TMC7: variants seen among roughly 807,000 people sequenced by gnomAD.
The protein encoded by TMC7 is transmembrane channel like 7.
A neutral mutation model predicts 82.9 loss-of-function variants in TMC7; 54 were observed. The ratio of observed to expected loss-of-function variants is 0.65; its 90% CI spans 0.52 to 0.82. The LOEUF is 0.82. TMC7 is among the 40% of genes least tolerant of loss of function. TMC7 has a pLI of 0.00. For missense variants in TMC7, 820 were observed against 901.2 expected, an observed-to-expected ratio of 0.91 and a Z score of 1.15; for synonymous variants, 350 against 337.9, an observed-to-expected ratio of 1.04 and a Z score of -0.39.
At chr16:19,041,238 T>A (rs1961000045) in intron 9 of TMC7, among the ~76,000 whole-genome samples, 1 of 152,050 alleles carries the variant, frequency 6.6e-6, no homozygotes, top group African/African-American at 2.4e-5. Flanking sequence ...GATCCCCATA[T>A]GCCTTTCACT....
chr16:19,003,690 A>G (rs2142154834), intron 1 of TMC7, among the ~76,000 whole-genome samples: 1 of 114,678 alleles, frequency 8.7e-6, no homozygotes, highest in Non-Finnish European at 1.8e-5. Context: ...TGCACTAAGA[A>G]AAATTCCTCT....
At chr16:19,008,687 C>T (rs184836824) in intron 1 of TMC7, among the ~76,000 whole-genome samples, 17 of 152,268 alleles carry the variant, frequency 1.1e-4, no homozygotes, top group African/African-American at 4.1e-4. Context: ...TAACACCATG[C>T]CTGACACACA....
chr16:19,047,452 C>T (rs1961330938), intron 12 of TMC7, among the ~76,000 whole-genome samples: 1 of 148,992 alleles, frequency 6.7e-6, no homozygotes, highest in Non-Finnish European at 1.5e-5. Flanking sequence ...GGCTGGAGTG[C>T]AGTGGCGTGA....
chr16:19,009,655 C>A (rs2039302107), intron 2 of TMC7, among the ~76,000 whole-genome samples: 1 of 151,900 alleles, frequency 6.6e-6, no homozygotes, highest in Non-Finnish European at 1.5e-5. Context: ...TAGTTTCTTT[C>A]CAGGCCGGGC....
At position 19,021,758 on chromosome 16, in the gene TMC7, C is replaced by G. The variant is rs755299318; in HGVS notation, c.590C>G (p.Thr197Ser). 2 of 1,614,144 alleles carry G rather than the reference C, an allele frequency of 1.2e-6. No individual in the cohort carries two copies. Among genetic ancestry groups the G allele is most frequent in the South Asian group, 2.2e-5 (2 of 91,078 alleles). Residue 197 changes from threonine to serine, a missense_variant, in exon 4 of 16, where the codon ACC becomes AGC. Thr to Ser is a moderately conservative substitution (Grantham distance 58). Coordinates refer to ENST00000304381, the MANE Select transcript of TMC7 (RefSeq NM_024847.4). ...LPVLLTKYKI[T>S]NSSFVLIPFK... ...GTCTTACTCACGAAATACAAGATCACCAACAGCAGCTTCGTGCTCATTCCT... is the reference window on the plus strand; with the variant it reads ...GTCTTACTCACGAAATACAAGATCAGCAACAGCAGCTTCGTGCTCATTCCT...
intron 1 of TMC7, among the ~76,000 whole-genome samples, chr16:18,992,417 A>G (rs2038968284): frequency 6.6e-6 from 1 of 152,092 alleles, no homozygotes; most frequent in Non-Finnish European, 1.5e-5. Flanking sequence ...GTCTGTTCAT[A>G]TCCTTTGCCC....
rs908605766 is a variant in TMC7 at position 19,063,256 on chromosome 16, T to G, written c.*1413T>G. 10 of 152,020 alleles carry G rather than the reference T, an allele frequency of 6.6e-5. No homozygotes were observed. Among genetic ancestry groups the G allele is most frequent in the African/African-American group, 2.2e-4 (9 of 41,406 alleles). 9.4% of individuals were successfully genotyped at this position (152,020 alleles called of 1,614,324 possible). A position where few individuals can be genotyped will look rare whatever the true frequency, so the allele number is the denominator to read the frequency against. On this transcript the variant is annotated 3_prime_UTR_variant, in exon 16 of 16. Transcript: ENST00000304381. ...ACCAAAGATTCATTCCAGTCTCACT[T>G]AAAAAAATAAATTCTGCTGGGCACA...
intron 1 of TMC7, among the ~76,000 whole-genome samples, chr16:18,985,659 C>T (rs1379605312): frequency 6.6e-6 from 1 of 151,308 alleles, no homozygotes; most frequent in African/African-American, 2.4e-5. Context: ...TAATTGGGCC[C>T]TCTAACTAAA....
At chr16:19,012,635 A>G (rs971369375) in intron 2 of TMC7, among the ~76,000 whole-genome samples, 12 of 151,612 alleles carry the variant, frequency 7.9e-5, no homozygotes, top group Admixed American at 1.3e-4. Flanking sequence ...CTAAAAATAC[A>G]AAAATTAGCC....
Position 19,035,749 on chromosome 16 carries a change from G to T in TMC7, c.931G>T (p.Ala311Ser), listed in dbSNP as rs746098773. 7.4e-6 allele frequency: 12 copies of T among 1,613,622 alleles called. No homozygotes were observed. Among genetic ancestry groups the T allele is most frequent in the Non-Finnish European group, 9.3e-6 (11 of 1,179,874 alleles). ...HFQSYCNKIF[A>S]GWDFCITNRS... ...TCAGAGTTACTGCAACAAGATATTT[G>T]CCGGCTGGGACTTCTGCATCACTAA... Residue 311 changes from alanine to serine, a missense_variant, in exon 7 of 16, where the codon GCC (alanine) becomes TCC (serine). This residue lies in a region of TMC7 where 650 missense variants were observed against 669.9 expected (regional missense o/e 0.97). Coordinates refer to ENST00000304381, the MANE Select transcript of TMC7 (RefSeq NM_024847.4).
chr16:19,044,527 C>T (rs528535107), intron 9 of TMC7, among the ~76,000 whole-genome samples: 3 of 151,886 alleles, frequency 2.0e-5, no homozygotes, highest in South Asian at 2.1e-4. Context: ...GGGCTGGGCA[C>T]CGTGGCTCAC....
intron 1 of TMC7, among the ~76,000 whole-genome samples, chr16:18,999,284 G>A (rs1045784633): frequency 6.6e-6 from 1 of 152,204 alleles, no homozygotes; most frequent in Non-Finnish European, 1.5e-5. Context: ...ATAGGCATGA[G>A]CCACTGCATC....
rs139163132 is a variant in TMC7 at position 19,012,788 on chromosome 16, C to CA, written c.311+3403dup. ...TGGGCGACAGAGTGAGATTCCATCT[C>CA]AAAAAAAAAAAAAAAAAAAAAAAAA... On this transcript the variant is annotated intron_variant, in intron 2 of 15. Coordinates refer to ENST00000304381, the MANE Select transcript of TMC7 (RefSeq NM_024847.4). Among the ~76,000 whole-genome samples the CA allele has an allele frequency of 1.7e-3, 116 of 66,630 alleles. 9 individuals carry two copies. The highest frequency in any genetic ancestry group is 7.8e-3 in the African/African-American group (112 of 14,268). 43.7% of individuals were successfully genotyped at this position (66,630 alleles called of 152,430 possible). A position where few individuals can be genotyped will look rare whatever the true frequency, so the allele number is the denominator to read the frequency against.
chr16:19,056,647 C>T lies in TMC7; in HGVS notation c.1977C>T (p.Ile659=), dbSNP rs1385600335. 6.2e-7 allele frequency: 1 copy of T among 1,614,138 alleles called. No individual in the cohort carries two copies. The highest frequency in any genetic ancestry group is 1.1e-5 in the South Asian group (1 of 91,082). The change falls in exon 14 of 16, where the codon ATC becomes ATT. Residue 659 remains isoleucine (I), a synonymous_variant. Transcript: ENST00000304381. ...TCCCCAGCTCGCTGCAGTCCTTCAT[C>T]CATGGTGTCACATCCGAAGCCTTTG... ...STFPSSLQSF[I]HGVTSEAFAV... is the part of the protein sequence containing the mutation.
At position 19,056,586 on chromosome 16, in the gene TMC7, C is replaced by A; in HGVS notation, c.1916C>A (p.Thr639Asn). ...KACGPFTNFN[T>N]TWEVIPKTVS... is the part of the protein sequence containing the mutation. The stretch of plus-strand genomic sequence containing the variant: ...TGTGGGCCGTTCACCAACTTCAACA[C>A]CACCTGGGAGGTCATCCCCAAGACG... Residue 639 changes from threonine (T) to asparagine (N), a missense_variant, in exon 14 of 16, where the codon ACC (threonine) becomes AAC (asparagine). Around this residue, in one of 2 missense-constraint regions of TMC7, gnomAD observed 170 missense variants for 231.3 expected, o/e 0.74. Transcript: ENST00000304381. 2.5e-6 allele frequency: 4 copies of A among 1,614,156 alleles called. No homozygotes were observed. Among genetic ancestry groups the A allele is most frequent in the Non-Finnish European group, 3.4e-6 (4 of 1,180,018 alleles).
rs773717040 is a variant in TMC7, at chr16:19,058,119, T to C, written c.2028-1297T>C. On this transcript the variant is annotated intron_variant, in intron 14 of 15. Transcript: ENST00000304381. ...TTAAAATGATATTATCAGCCAGGCA[T>C]AGTGGCTCACGCCTGTAATCCCAGC... Among the ~76,000 whole-genome samples, 89 of 152,184 alleles carry C rather than the reference T, an allele frequency of 5.8e-4. 1 individual carries two copies. Among genetic ancestry groups the C allele is most frequent in the Non-Finnish European group, 1.2e-4 (8 of 67,998 alleles).
chr16:19,024,584 G>A (rs993350794), intron 5 of TMC7, among the ~76,000 whole-genome samples: 3 of 151,662 alleles, frequency 2.0e-5, no homozygotes, highest in African/African-American at 7.3e-5. Context: ...TTTAGAGATA[G>A]GATCATGCTC....
At position 19,010,676 on chromosome 16, in the gene TMC7, T is replaced by C. The variant is rs568594853; in HGVS notation, c.311+1261T>C. Among the ~76,000 whole-genome samples, 5 of 152,202 alleles carry C rather than the reference T, an allele frequency of 3.3e-5. No individual in the cohort carries two copies. The East Asian group carries it at 7.7e-4, about 23-fold the overall frequency. ...CCCACAACGGAGTAGCCTAAAACAATAGTTTCTCAAGTCTACCAGTCAGCT... is the reference window on the plus strand; with the variant it reads ...CCCACAACGGAGTAGCCTAAAACAACAGTTTCTCAAGTCTACCAGTCAGCT... On this transcript the variant is annotated intron_variant, in intron 2 of 15. Transcript: ENST00000304381.
chr16:19,056,442 C>G (rs1961774553), intron 13 of TMC7, 100 bp from the exon 14 acceptor site: 2 of 1,429,818 alleles, frequency 1.4e-6, no homozygotes, highest in Non-Finnish European at 1.9e-6. Context: ...AGGTGGCTCC[C>G]TGTAGGCCAT....
Sources: allele counts gnomAD v4.1 joint callset (sites outside exome capture counted in the v4.1 genomes callset), GRCh38; gene constraint gnomAD v4.1.1; regional missense constraint gnomAD v4.1.1; transcripts MANE v1.5; gene names NCBI Gene and HGNC (gene_info 2026-07-23, HGNC 2026-07-21).